The following MAPKAPK2 variants were observed in gnomAD, a reference collection of about 807,000 sequenced individuals.
The protein encoded by MAPKAPK2 is MAP kinase-activated protein kinase 2.
MAPKAPK2 carries 9 observed loss-of-function variants against 48.8 expected under a neutral mutation model. The observed-to-expected ratio is 0.18, with a 90% CI of 0.11 to 0.32. The LOEUF (loss-of-function observed/expected upper bound fraction) is 0.32. MAPKAPK2 is among the 10% of genes least tolerant of loss of function. The pLI is 1.00. For synonymous variants in MAPKAPK2, 202 were observed against 190.6 expected (o/e 1.06, Z -0.49); for missense variants, 331 against 498.3 (o/e 0.66, Z 3.20).
intron 1 of MAPKAPK2, 122 bp downstream of exon 1, chr1:206,685,630 G>A (rs1672266013): frequency 2.7e-6 from 2 of 742,130 alleles, no homozygotes; most frequent in Non-Finnish European, 3.3e-6. Flanking sequence ...CGGCGGGGCG[G>A]GGCGGGGCGG....
intron 1 of MAPKAPK2, among the ~76,000 whole-genome samples, chr1:206,720,109 A>G (rs1037659504): frequency 9.2e-5 from 14 of 152,182 alleles, no homozygotes; most frequent in Non-Finnish European, 1.9e-4. Context: ...CTGGCTCCAG[A>G]TCTTCCACCT....
At chr1:206,703,688 T>G (rs1053588788) in intron 1 of MAPKAPK2, among the ~76,000 whole-genome samples, 5 of 152,156 alleles carry the variant, frequency 3.3e-5, no homozygotes, top group Non-Finnish European at 5.9e-5. Flanking sequence ...TAATATCTCA[T>G]TGTATTTTCT....
chr1:206,685,939 T>A (rs1672275127), intron 1 of MAPKAPK2, among the ~76,000 whole-genome samples: 1 of 152,068 alleles, frequency 6.6e-6, no homozygotes, highest in African/African-American at 2.4e-5. Flanking sequence ...AGCCGGTTGG[T>A]CGGTTGGTTT....
At chr1:206,718,035 A>G (rs1362339966) in intron 1 of MAPKAPK2, among the ~76,000 whole-genome samples, 2 of 152,160 alleles carry the variant, frequency 1.3e-5, no homozygotes, top group African/African-American at 2.4e-5. Flanking sequence ...CAACAAAACT[A>G]TAGAAATGGG....
chr1:206,719,838 G>A lies in MAPKAPK2; in HGVS notation c.280-8872G>A, dbSNP rs1166307328. ...TTAAACCATTGCTGCTTTTGTGGCA[G>A]CATCTTATTTCTTTCCTTTGCAGCA... On this transcript the variant is annotated intron_variant, in intron 1 of 9. Transcript: ENST00000367103. Among the ~76,000 whole-genome samples the A allele has an allele frequency of 2.6e-5, 4 of 152,226 alleles. No individual in the cohort carries two copies. The East Asian group carries it at 5.8e-4, about 22-fold the overall frequency.
At chr1:206,709,932 C>T (rs554397727) in intron 1 of MAPKAPK2, among the ~76,000 whole-genome samples, 2 of 152,222 alleles carry the variant, frequency 1.3e-5, no homozygotes, top group African/African-American at 4.8e-5. Flanking sequence ...CAAACGTCCC[C>T]TGGGGGGCAA....
intron 1 of MAPKAPK2, among the ~76,000 whole-genome samples, chr1:206,723,530 G>T (rs1314534520): frequency 3.9e-5 from 6 of 152,146 alleles, no homozygotes; most frequent in Non-Finnish European, 8.8e-5. Flanking sequence ...TTGTGAAGGG[G>T]GTCCTCCTGA....
At chr1:206,721,801 G>T (rs1673525423) in intron 1 of MAPKAPK2, among the ~76,000 whole-genome samples, 1 of 152,152 alleles carries the variant, frequency 6.6e-6, no homozygotes, top group African/African-American at 2.4e-5. Context: ...TGCAAAGGTT[G>T]GGCAGTCAAT....
In MAPKAPK2 at chr1:206,730,008, G is replaced by A. The variant is rs782149296; in HGVS notation, c.601G>A (p.Ala201Thr). The stretch of plus-strand genomic sequence containing the variant: ...CTTATACACCTCCAAAAGGCCCAAC[G>A]CCATCCTGAAACTCACTGACTTTGG... ...NLLYTSKRPNAILKLTDFGFA... is the reference protein window; with the variant it reads ...NLLYTSKRPNTILKLTDFGFA... The change falls in exon 5 of 10, where the codon GCC becomes ACC. Residue 201 changes from alanine (A) to threonine (T), a missense_variant. Transcript: ENST00000367103. 10 of 1,614,080 alleles carry A rather than the reference G, an allele frequency of 6.2e-6. No individual in the cohort carries two copies. Among genetic ancestry groups the A allele is most frequent in the African/African-American group, 1.3e-5 (1 of 74,930 alleles).
At chr1:206,694,223 T>G (rs1245150752) in intron 1 of MAPKAPK2, among the ~76,000 whole-genome samples, 33 of 152,190 alleles carry the variant, frequency 2.2e-4, no homozygotes, top group African/African-American at 8.0e-4. Flanking sequence ...TTTCAGGAAT[T>G]ATGGTTTATT....
At chr1:206,714,345 G>A (rs950913537) in intron 1 of MAPKAPK2, among the ~76,000 whole-genome samples, 3 of 152,120 alleles carry the variant, frequency 2.0e-5, no homozygotes, top group Admixed American at 2.0e-4. Flanking sequence ...AACGAGACTA[G>A]CTTGCTGTGG....
chr1:206,694,519 A>G lies in MAPKAPK2; in HGVS notation c.279+9011A>G, dbSNP rs1036888913. On this transcript the variant is annotated intron_variant, in intron 1 of 9. Transcript: ENST00000367103. ...ATAGCCATACCCTCTGTCTTTCCCT[A>G]TCCCGACTGCCTTCCTTGGCTTCTG... is the stretch of plus-strand genomic sequence containing the variant. Among the ~76,000 whole-genome samples, 39 of 152,154 alleles carry G rather than the reference A, an allele frequency of 2.6e-4. 1 individual carries two copies. The highest frequency in any genetic ancestry group is 8.9e-4 in the African/African-American group (37 of 41,440).
At chr1:206,695,041 T>C (rs1210800214) in intron 1 of MAPKAPK2, among the ~76,000 whole-genome samples, 2 of 152,242 alleles carry the variant, frequency 1.3e-5, no homozygotes, top group African/African-American at 2.4e-5. Flanking sequence ...CTTTGTGTTC[T>C]CTTCCCCTGA....
intron 1 of MAPKAPK2, among the ~76,000 whole-genome samples, chr1:206,713,313 C>T (rs140730153): frequency 3.9e-4 from 60 of 152,220 alleles, no homozygotes; most frequent in African/African-American, 1.2e-3. Flanking sequence ...TTCTTACAGA[C>T]GTGAAGTCAT....
Position 206,727,874 on chromosome 1 carries a change from C to CA in MAPKAPK2, c.280-836_280-835insA, listed in dbSNP as rs1673755418. Among the ~76,000 whole-genome samples, 7 of 152,120 alleles carry CA rather than the reference C, an allele frequency of 4.6e-5. No individual in the cohort carries two copies. The South Asian group carries it at 1.5e-3, about 32-fold the overall frequency. On this transcript the variant is annotated intron_variant, in intron 1 of 9. Transcript: ENST00000367103. Reference sequence around the variant, plus strand: ...TCCTGACCTCGTGATCTGCCTGCCTCGGCCTCCCAAAGTGCTGGGATTACA... The same window carrying CA: ...TCCTGACCTCGTGATCTGCCTGCCTCAGGCCTCCCAAAGTGCTGGGATTACA...
intron 1 of MAPKAPK2, among the ~76,000 whole-genome samples, chr1:206,702,531 C>T (rs1672828040): frequency 6.6e-6 from 1 of 152,270 alleles, no homozygotes; most frequent in Non-Finnish European, 1.5e-5. Context: ...GTGTGTCTGC[C>T]TCTCTGCATC....
At chr1:206,729,251 T>C (rs1011663420) in intron 3 of MAPKAPK2, 145 bp from the exon 4 acceptor site, 12 of 1,088,824 alleles carry the variant, frequency 1.1e-5, no homozygotes, top group Non-Finnish European at 2.8e-6. Context: ...CCAGGGAAGC[T>C]CCTGGTGGCT....
At chr1:206,716,080 T>C (rs1673319845) in intron 1 of MAPKAPK2, among the ~76,000 whole-genome samples, 1 of 152,056 alleles carries the variant, frequency 6.6e-6, no homozygotes, top group East Asian at 1.9e-4. Context: ...CTTGTTATTA[T>C]TGTTTTTGCT....
intron 1 of MAPKAPK2, among the ~76,000 whole-genome samples, chr1:206,689,967 G>A (rs1349602072): frequency 1.3e-5 from 2 of 152,164 alleles, no homozygotes; most frequent in African/African-American, 4.8e-5. Flanking sequence ...AGGAGCTAAG[G>A]GAGGCTCCAG....
Sources: allele counts gnomAD v4.1 joint callset (sites outside exome capture counted in the v4.1 genomes callset), GRCh38; gene constraint gnomAD v4.1.1; transcripts MANE v1.5; gene names NCBI Gene and HGNC (gene_info 2026-07-23, HGNC 2026-07-21).